SYNE1: variants seen among roughly 807,000 people sequenced by gnomAD.
SYNE1 encodes nesprin-1.
In SYNE1, 616 loss-of-function variants were observed where a neutral mutation model predicts 1,111.0. The observed-to-expected ratio is 0.55, with a 90% CI of 0.52 to 0.59. The LOEUF (loss-of-function observed/expected upper bound fraction) is 0.59. Among genes scored for constraint, SYNE1 ranks in the 20% least tolerant of loss-of-function variants. The pLI, the probability that SYNE1 is intolerant of heterozygous loss-of-function variation, is 0.00. For missense variants in SYNE1, 10,006 were observed against 10,417.0 expected (o/e 0.96, Z 1.72); for synonymous variants, 3,855 against 3,825.8 (o/e 1.01, Z -0.28).
intron 86 of SYNE1, 57 bp from the exon 87 acceptor site, chr6:152,317,043 T>C (rs541591467): frequency 3.1e-6 from 5 of 1,599,974 alleles, no homozygotes; most frequent in East Asian, 2.2e-5. Context: ...TCTTGAGCTA[T>C]AAATCAGTCT....
At chr6:152,454,948 C>T (rs2098684881) in intron 24 of SYNE1, among the ~76,000 whole-genome samples, 1 of 152,058 alleles carries the variant, frequency 6.6e-6, no homozygotes, top group Non-Finnish European at 1.5e-5. Flanking sequence ...AGATGATAAA[C>T]ATGAAGATGG....
rs2083987232 is a variant in SYNE1 at position 152,236,151 on chromosome 6, A to G, written c.20352T>C (p.Ser6784=). ...TTGTTTCCAGTCTGTGAAGTTCCTT[A>G]GACATTTTATTGGTGTTACTTAGCC... is the stretch of plus-strand genomic sequence containing the variant. ...ECWLSNTNKM[S]KELHRLETIL... Residue 6784 remains serine, a synonymous_variant, in exon 110 of 146, where the codon TCT becomes TCC. Coordinates refer to ENST00000367255, the MANE Select transcript of SYNE1 (RefSeq NM_182961.4). 6.2e-7 allele frequency: 1 copy of G among 1,614,096 alleles called. No individual in the cohort carries two copies. Among genetic ancestry groups the G allele is most frequent in the Non-Finnish European group, 8.5e-7 (1 of 1,180,030 alleles).
In SYNE1 at chr6:152,381,320, T is replaced by A. The variant is rs119103243; in HGVS notation, c.8695A>T (p.Arg2899Ter). 1.1e-5 allele frequency: 17 copies of A among 1,613,984 alleles called. No individual in the cohort carries two copies. The highest frequency in any genetic ancestry group is 1.4e-5 in the Non-Finnish European group (17 of 1,180,050). The change falls in exon 56 of 146, where the codon AGA (arginine) becomes TGA (stop). Residue 2899 changes from arginine (R) to a stop codon, truncating the protein, a stop_gained. Coordinates refer to ENST00000367255, the MANE Select transcript of SYNE1 (RefSeq NM_182961.4). LOFTEE classifies it high-confidence loss of function. ...SREIGASRLS[R>*]VESLAPEVKQ... Reference sequence around the variant, plus strand: ...ACTTCGGGAGCCAGCGACTCCACTCTGCTGAGACGGCTTGCACCAATCTCT... The same window carrying A: ...ACTTCGGGAGCCAGCGACTCCACTCAGCTGAGACGGCTTGCACCAATCTCT...
chr6:152,489,611 T>C (rs1053683762), intron 11 of SYNE1, among the ~76,000 whole-genome samples: 1 of 152,204 alleles, frequency 6.6e-6, no homozygotes, highest in Non-Finnish European at 1.5e-5. Flanking sequence ...CACATTCTCA[T>C]GATCCATGCC....
chr6:152,155,349 C>T (rs1298022462), intron 132 of SYNE1: 1 of 384,574 alleles, frequency 2.6e-6, no homozygotes, highest in Non-Finnish European at 4.9e-6. Context: ...AGAAAAGCAA[C>T]ACCAGGTTTA....
At chr6:152,247,750 TACACACACAC>T (rs61420132) in intron 105 of SYNE1, among the ~76,000 whole-genome samples, 64 of 112,364 alleles carry the variant, frequency 5.7e-4, no homozygotes, top group African/African-American at 7.5e-4. Flanking sequence ...TATATATATA[TACACACACAC>T]ACACACACAC....
In SYNE1 at chr6:152,334,785, C is replaced by T. The variant is rs374456129; in HGVS notation, c.12529-512G>A. ...TAACCTGTTCCCTTAACTAAATATC[C>T]TGTGACTAAGAATGCCTAACTTTCT... On this transcript the variant is annotated intron_variant, in intron 76 of 145. Coordinates refer to ENST00000367255, the MANE Select transcript of SYNE1 (RefSeq NM_182961.4). 5.3e-5 allele frequency among the ~76,000 whole-genome samples: 8 copies of T among 152,268 alleles called. No individual in the cohort carries two copies. The East Asian group carries it at 1.5e-3, about 29-fold the overall frequency.
At position 152,416,367 on chromosome 6, in the gene SYNE1, C is replaced by T; in HGVS notation, c.6050+20G>A. Reference sequence around the variant, plus strand: ...ATACAAAAGAAAAGAGACAAGTGGCCGTGACAGTTTCCTATTTACCTCTGC... The same window carrying T: ...ATACAAAAGAAAAGAGACAAGTGGCTGTGACAGTTTCCTATTTACCTCTGC... On this transcript the variant is annotated intron_variant, in intron 41 of 145. Transcript: ENST00000367255. The T allele has an allele frequency of 6.2e-7, 1 of 1,613,080 alleles. No homozygotes were observed. Among genetic ancestry groups the T allele is most frequent in the Non-Finnish European group, 8.5e-7 (1 of 1,180,010 alleles).
chr6:152,362,592 C>A (rs149561014), intron 63 of SYNE1, among the ~76,000 whole-genome samples: 1 of 152,182 alleles, frequency 6.6e-6, no homozygotes, highest in East Asian at 1.9e-4. Context: ...TGGGGGGACA[C>A]GAGACACTGG....
At chr6:152,204,118 C>T (rs140645508) in intron 126 of SYNE1, among the ~76,000 whole-genome samples, 95 of 152,212 alleles carry the variant, frequency 6.2e-4, no homozygotes, top group African/African-American at 2.2e-3. Context: ...AATCCTAGCA[C>T]TTTGGGAGGC....
chr6:152,139,981 TG>T lies in SYNE1; in HGVS notation c.25426del (p.Gln8476ArgfsTer52), dbSNP rs1168949910. On this transcript the variant is annotated frameshift_variant, in exon 140 of 146. Coordinates refer to ENST00000367255, the MANE Select transcript of SYNE1 (RefSeq NM_182961.4). LOFTEE classifies it high-confidence loss of function. ...CTTTTTGATCTGGAGCTCGATGGTC[TG>T]GATGTCAGTGCTGAGTTCCAGACGC... ...LQRLELSTDI[Q>X]TIELQIKKLK... 6.2e-7 allele frequency: 1 copy of T among 1,613,930 alleles called. No individual in the cohort carries two copies. Among genetic ancestry groups the T allele is most frequent in the Non-Finnish European group, 8.5e-7 (1 of 1,180,044 alleles).
Position 152,310,872 on chromosome 6 carries a change from G to T in SYNE1, c.16712C>A (p.Thr5571Asn), listed in dbSNP as rs2095525274. 1 of 1,613,466 alleles carries T rather than the reference G, an allele frequency of 6.2e-7. No individual in the cohort carries two copies. The highest frequency in any genetic ancestry group is 1.1e-5 in the South Asian group (1 of 90,956). ...AATTTCTTTGGATTCTTCTAGCAGG[G>T]TCTAGAGTGAATTGTCAATATTCAT... ...QLREQYILHQ[T>N]LLEESKEIDS... The change falls in exon 88 of 146, where the codon ACC (threonine) becomes AAC (asparagine). Residue 5571 changes from threonine to asparagine, a missense_variant and splice_region_variant. Physicochemically the swap from Thr to Asn is moderately conservative, Grantham distance 65. Transcript: ENST00000367255.
chr6:152,281,393 A>C (rs188952062), intron 97 of SYNE1, among the ~76,000 whole-genome samples: 2 of 152,312 alleles, frequency 1.3e-5, no homozygotes, highest in African/African-American at 4.8e-5. Context: ...ACACTTGGAA[A>C]AGTTTTCCGA....
chr6:152,172,682 C>T (rs978639264), intron 130 of SYNE1, among the ~76,000 whole-genome samples: 12 of 152,282 alleles, frequency 7.9e-5, no homozygotes, highest in South Asian at 6.2e-4. Context: ...ATTGACAAAA[C>T]GAGAGCCAGT....
At chr6:152,397,215 G>T (rs79337015) in intron 49 of SYNE1, among the ~76,000 whole-genome samples, 1 of 152,128 alleles carries the variant, frequency 6.6e-6, no homozygotes, top group Non-Finnish European at 1.5e-5. Flanking sequence ...AACCGAGGAC[G>T]TTCTCACCAA....
At chr6:152,615,045 G>T (rs1249391107) in intron 3 of SYNE1, among the ~76,000 whole-genome samples, 1 of 152,102 alleles carries the variant, frequency 6.6e-6, no homozygotes, top group Non-Finnish European at 1.5e-5. Context: ...ACAAGTTGAT[G>T]GGTGCAGCAA....
chr6:152,523,717 T>C (rs1466093622), intron 5 of SYNE1, among the ~76,000 whole-genome samples: 2 of 152,196 alleles, frequency 1.3e-5, no homozygotes, highest in Non-Finnish European at 2.9e-5. Context: ...TTGTGTCATC[T>C]ATTATTTCTT....
intron 14 of SYNE1, among the ~76,000 whole-genome samples, chr6:152,474,039 G>A (rs910414681): frequency 1.3e-5 from 2 of 152,152 alleles, no homozygotes; most frequent in African/African-American, 2.4e-5. Context: ...CAAAAAATTA[G>A]CCAGGCATGG....
chr6:152,456,091 TGA>T, intron 22 of SYNE1, 47 bp from the exon 23 acceptor site: 1 of 1,590,108 alleles, frequency 6.3e-7, no homozygotes, highest in South Asian at 1.1e-5. Flanking sequence ...CAAGACAGAG[TGA>T]GAGAGAAAGA....
Sources: allele counts gnomAD v4.1 joint callset (sites outside exome capture counted in the v4.1 genomes callset), GRCh38; gene constraint gnomAD v4.1.1; transcripts MANE v1.5; gene names NCBI Gene and HGNC (gene_info 2026-07-23, HGNC 2026-07-21).